The following NDOR1 variants were observed in gnomAD, a reference collection of about 807,000 sequenced individuals.
The protein encoded by NDOR1 is NADPH-dependent diflavin oxidoreductase 1.
In NDOR1, 61 loss-of-function variants were observed where a neutral mutation model predicts 67.2. That is an observed-to-expected ratio of 0.91 (90% CI 0.74 to 1.12). The LOEUF (loss-of-function observed/expected upper bound fraction) is 1.12, where lower values mean the gene tolerates loss of function less well. NDOR1 is among the 50% of genes most tolerant of loss of function. The pLI is 0.00. For synonymous variants in NDOR1, 378 were observed against 343.7 expected, an observed-to-expected ratio of 1.10 and a Z score of -1.10; for missense variants, 878 against 802.8, an observed-to-expected ratio of 1.09 and a Z score of -1.13.
In NDOR1 at chr9:137,217,815, C is replaced by T. The variant is rs1475986765; in HGVS notation, c.*1399C>T. On this transcript the variant is annotated 3_prime_UTR_variant, in exon 14 of 14. Coordinates refer to ENST00000684003, the MANE Select transcript of NDOR1 (RefSeq NM_014434.4). The stretch of plus-strand genomic sequence containing the variant: ...AGGGCCACCACCCCTGAACTGTGCC[C>T]TGGGGCCCCCACCCTCCACCTGGCC... 1.3e-5 allele frequency: 5 copies of T among 397,542 alleles called. No homozygotes were observed. Among genetic ancestry groups the T allele is most frequent in the Admixed American group, 4.4e-5 (1 of 22,702 alleles). The allele number at this position is 397,542 out of a possible 1,614,324, so 24.6% of individuals were successfully genotyped here.
chr9:137,209,960 G>A (rs1243891969), intron 2 of NDOR1, among the ~76,000 whole-genome samples: 5 of 152,218 alleles, frequency 3.3e-5, no homozygotes, highest in Non-Finnish European at 7.3e-5. Flanking sequence ...GGGTGTATTG[G>A]TGCATGCCTG....
chr9:137,213,673 C>A lies in NDOR1; in HGVS notation c.312-107C>A, dbSNP rs1180368059. The A allele has an allele frequency of 6.1e-6, 7 of 1,156,156 alleles. No homozygotes were observed. The African/African-American group carries it at 1.1e-4, about 18-fold the overall frequency. 71.6% of individuals were successfully genotyped at this position (1,156,156 alleles called of 1,614,324 possible). On this transcript the variant is annotated intron_variant, in intron 3 of 13. Transcript: ENST00000684003. ...TGTTTTCCACCCGAGGGAGGCCCTC[C>A]CCAGGCTCCACTCTTCGCCCGGGCT... is the stretch of plus-strand genomic sequence containing the variant.
At chr9:137,207,571 G>A (rs984816661) in intron 2 of NDOR1, among the ~76,000 whole-genome samples, 2 of 152,120 alleles carry the variant, frequency 1.3e-5, no homozygotes, top group African/African-American at 4.8e-5. Context: ...TGCCCAGAAC[G>A]TTAGAGCCCA....
chr9:137,211,968 C>T (rs890586880), intron 2 of NDOR1, among the ~76,000 whole-genome samples: 6 of 151,950 alleles, frequency 3.9e-5, no homozygotes, highest in African/African-American at 1.5e-4. Flanking sequence ...GTCCTGCAGC[C>T]ACGGAAGGAG....
chr9:137,217,191 G>T lies in NDOR1; in HGVS notation c.*775G>T, dbSNP rs563851823. On this transcript the variant is annotated 3_prime_UTR_variant, in exon 14 of 14. Transcript: ENST00000684003. ...GGGTGCTGGATGGGTGGGCGCCACGGTGCACCCTTGTTGGGCTGCCTGTGC... is the reference window on the plus strand; with the variant it reads ...GGGTGCTGGATGGGTGGGCGCCACGTTGCACCCTTGTTGGGCTGCCTGTGC... 6.6e-6 allele frequency among the ~76,000 whole-genome samples: 1 copy of T among 151,960 alleles called. No individual in the cohort carries two copies. Among genetic ancestry groups the T allele is most frequent in the Non-Finnish European group, 1.5e-5 (1 of 68,012 alleles).
intron 4 of NDOR1, 42 bp from the exon 5 acceptor site, chr9:137,213,925 C>T: frequency 6.3e-7 from 1 of 1,587,934 alleles, no homozygotes; most frequent in Non-Finnish European, 8.6e-7. Flanking sequence ...GGTCTGGCCA[C>T]ACGCAGGGTC....
At position 137,215,821 on chromosome 9, in the gene NDOR1, C is replaced by T. The variant is rs372854846; in HGVS notation, c.1435+16C>T. ...GGCCAGACTGGTGAGCACCCAGGGTCTCCGGGCAGGGTTGTTGCCAGGGCT... is the reference window on the plus strand; with the variant it reads ...GGCCAGACTGGTGAGCACCCAGGGTTTCCGGGCAGGGTTGTTGCCAGGGCT... On this transcript the variant is annotated intron_variant, in intron 11 of 13. Transcript: ENST00000684003. 8 of 1,601,978 alleles carry T rather than the reference C, an allele frequency of 5.0e-6. No individual in the cohort carries two copies. Among genetic ancestry groups the T allele is most frequent in the Non-Finnish European group, 6.8e-6 (8 of 1,173,636 alleles).
At chr9:137,213,562 T>C (rs1271296319) in intron 3 of NDOR1, among the ~76,000 whole-genome samples, 2 of 152,178 alleles carry the variant, frequency 1.3e-5, no homozygotes, top group Admixed American at 1.3e-4. Context: ...GACCTGCTGC[T>C]TGGCACCCTG....
Position 137,212,467 on chromosome 9 carries a change from C to G in NDOR1, c.214-35C>G, listed in dbSNP as rs374168258. The G allele has an allele frequency of 2.3e-5, 36 of 1,589,290 alleles. 1 individual carries two copies. The African/African-American group carries it at 4.2e-4, about 18-fold the overall frequency. ...CCTGCTGTGGGGCTAGCCTAGAGGT[C>G]GAGGACTCTGACTCAGAGTTTCCTC... On this transcript the variant is annotated intron_variant, in intron 2 of 13. Transcript: ENST00000684003. This position sits in a 1 kb window ranked among gnomAD's most constrained non-coding sequence, Gnocchi z 4.3.
chr9:137,215,172 G>T lies in NDOR1; in HGVS notation c.1143G>T (p.Pro381=). Residue 381 remains proline, a synonymous_variant, in exon 9 of 14, where the codon CCG becomes CCT. Transcript: ENST00000684003. The part of the protein sequence containing the change: ...YLLDLIPVIR[P]RAFSIASSLL... ...TGGACCTCATCCCCGTTATCCGGCC[G>T]AGGGCCTTCTCCATCGCCTCCTCGC... The T allele has an allele frequency of 6.2e-7, 1 of 1,613,030 alleles. No homozygotes were observed.
At chr9:137,213,911 G>C in intron 4 of NDOR1, 33 bp downstream of exon 4, 1 of 1,597,638 alleles carries the variant, frequency 6.3e-7, no homozygotes, top group Non-Finnish European at 8.5e-7. Context: ...CGCCTCCACA[G>C]TCTGGTCTGG....
At position 137,215,518 on chromosome 9, in the gene NDOR1, C is replaced by T. The variant is rs1226043776; in HGVS notation, c.1285C>T (p.Gln429Ter). The T allele has an allele frequency of 2.5e-6, 4 of 1,612,998 alleles. No individual in the cohort carries two copies. Among genetic ancestry groups the T allele is most frequent in the South Asian group, 1.1e-5 (1 of 91,090 alleles). ...CTGGCTGGCATCCCTGGACCCTGGG[C>T]AAGGTGACCCCTGCTCCCAGGGTGG... ...SSWLASLDPGQGPVRVPLWVR... is the reference protein window; with the variant it reads ...SSWLASLDPG The change falls in exon 10 of 14, where the codon CAA (glutamine) becomes TAA (stop). Residue 429 changes from glutamine to a stop codon, truncating the protein, a stop_gained. Coordinates refer to ENST00000684003, the MANE Select transcript of NDOR1 (RefSeq NM_014434.4). LOFTEE classifies it high-confidence loss of function.
intron 6 of NDOR1, 56 bp from the exon 7 acceptor site, chr9:137,214,514 G>T: frequency 6.2e-7 from 1 of 1,609,190 alleles, no homozygotes; most frequent in Non-Finnish European, 8.5e-7. Context: ...TTCTATCCGG[G>T]GCCCCGACAT....
chr9:137,209,511 G>A (rs1835144863), intron 2 of NDOR1, among the ~76,000 whole-genome samples: 1 of 152,206 alleles, frequency 6.6e-6, no homozygotes, highest in Non-Finnish European at 1.5e-5. Flanking sequence ...CACCCACAGA[G>A]AAGACCAGGA....
intron 2 of NDOR1, among the ~76,000 whole-genome samples, chr9:137,210,153 C>T (rs1275587387): frequency 6.6e-6 from 1 of 152,220 alleles, no homozygotes; most frequent in African/African-American, 2.4e-5. Flanking sequence ...GCTGAAGCAG[C>T]CAAGGATGTT....
At chr9:137,207,809 A>G (rs995047714) in intron 2 of NDOR1, among the ~76,000 whole-genome samples, 1 of 152,162 alleles carries the variant, frequency 6.6e-6, no homozygotes, top group African/African-American at 2.4e-5. Context: ...ATTACAGGAG[A>G]TCAGCAACTG....
rs1348873892 is a variant in NDOR1 at position 137,215,818 on chromosome 9, G to C, written c.1435+13G>C. On this transcript the variant is annotated intron_variant, in intron 11 of 13. Coordinates refer to ENST00000684003, the MANE Select transcript of NDOR1 (RefSeq NM_014434.4). ...CAGGGCCAGACTGGTGAGCACCCAG[G>C]GTCTCCGGGCAGGGTTGTTGCCAGG... The C allele has an allele frequency of 6.2e-7, 1 of 1,601,266 alleles. No individual in the cohort carries two copies. Among genetic ancestry groups the C allele is most frequent in the African/African-American group, 1.3e-5 (1 of 74,742 alleles).
intron 2 of NDOR1, among the ~76,000 whole-genome samples, chr9:137,209,468 G>A (rs1835142208): frequency 6.6e-6 from 1 of 152,156 alleles, no homozygotes; most frequent in Non-Finnish European, 1.5e-5. Context: ...CGGGATTCAG[G>A]TCAACGAGGA....
At position 137,212,252 on chromosome 9, in the gene NDOR1, A is replaced by C. The variant is rs1835296114; in HGVS notation, c.214-250A>C. On this transcript the variant is annotated intron_variant, in intron 2 of 13. Coordinates refer to ENST00000684003, the MANE Select transcript of NDOR1 (RefSeq NM_014434.4). This position sits in a 1 kb window ranked among gnomAD's most constrained non-coding sequence, Gnocchi z 4.3. ...GAAGCTCCACGCAGGCCTGTAGAGC[A>C]CAGCAGGGTCTGGCTCCTGTGGGCA... 1.3e-5 allele frequency among the ~76,000 whole-genome samples: 2 copies of C among 152,152 alleles called. No homozygotes were observed. The highest frequency in any genetic ancestry group is 4.1e-4 in the South Asian group (2 of 4,828).
Sources: gnomAD v4.1 joint callset for allele counts (sites outside exome capture counted in the v4.1 genomes callset) on GRCh38, gnomAD v4.1.1 for gene constraint, Gnocchi (gnomAD v3.1) non-coding constraint, MANE v1.5 for transcripts, NCBI Gene and HGNC (gene_info 2026-07-23, HGNC 2026-07-21) for gene names.